The following ALDH1L1 variants were observed in gnomAD, a reference collection of about 807,000 sequenced individuals.
ALDH1L1 encodes the protein aldehyde dehydrogenase 1 family member L1.
Under a neutral mutation model 101.1 loss-of-function variants are expected in ALDH1L1, and 68 were observed. That is an observed-to-expected ratio of 0.67 (90% confidence interval 0.55 to 0.82). ALDH1L1 has a LOEUF of 0.82. Ranked by LOEUF, ALDH1L1 falls within the 40% of genes least tolerant of loss-of-function variation. The pLI is 0.00. For synonymous variants in ALDH1L1, 486 were observed against 470.8 expected (o/e 1.03, Z -0.42); for missense variants, 1,087 against 1,172.7 (o/e 0.93, Z 1.07).
intron 10 of ALDH1L1, 129 bp from the exon 11 acceptor site, chr3:126,137,012 C>G: frequency 7.5e-7 from 1 of 1,340,132 alleles, no homozygotes; most frequent in East Asian, 2.5e-5. Flanking sequence ...ATGTAGGCAA[C>G]AGCTGAGCAG....
In ALDH1L1 at chr3:126,167,442, C is replaced by T. The variant is rs373690897; in HGVS notation, c.-23-6440G>A. On this transcript the variant is annotated intron_variant, in intron 1 of 22. Coordinates refer to ENST00000393434, the MANE Select transcript of ALDH1L1 (RefSeq NM_012190.4). ...GTCTTCATTGTACAAACATATTCAT[C>T]GCTTTAACAAGATAATAAGGGAACA... is the stretch of plus-strand genomic sequence containing the variant. Among the ~76,000 whole-genome samples the T allele has an allele frequency of 2.8e-3, 431 of 152,174 alleles. 2 individuals carry two copies. The highest frequency in any genetic ancestry group is 9.9e-3 in the African/African-American group (413 of 41,536).
chr3:126,159,318 C>T (rs867171677), intron 2 of ALDH1L1: 11 of 412,324 alleles, frequency 2.7e-5, no homozygotes, highest in Non-Finnish European at 4.8e-5. Flanking sequence ...CCTCACAGGT[C>T]TGGATTACAG....
At chr3:126,105,615 T>C (rs745536178) in intron 22 of ALDH1L1, 111 bp downstream of exon 22, 4 of 1,241,146 alleles carry the variant, frequency 3.2e-6, no homozygotes, top group South Asian at 1.2e-5. Flanking sequence ...ACAGCCATCA[T>C]GTTCAAGGCT....
chr3:126,108,085 A>G (rs944990839), intron 20 of ALDH1L1: 1 of 152,266 alleles, frequency 6.6e-6, no homozygotes, highest in Non-Finnish European at 1.5e-5. Context: ...TGATGTTTTA[A>G]CACTGATTAC....
At chr3:126,158,376 T>C in intron 3 of ALDH1L1, 29 bp downstream of exon 3, 1 of 1,520,336 alleles carries the variant, frequency 6.6e-7, no homozygotes, top group Non-Finnish European at 8.9e-7. Flanking sequence ...TGTATGGGGA[T>C]GGCCCCCTGT....
intron 14 of ALDH1L1, chr3:126,128,416 T>C (rs1559931958): frequency 6.6e-6 from 1 of 152,132 alleles, no homozygotes; most frequent in African/African-American, 2.4e-5. Flanking sequence ...TTATTACCAT[T>C]TGACAGTTGG....
chr3:126,193,314 T>C (rs2081564204), intron 1 of ALDH1L1, among the ~76,000 whole-genome samples: 1 of 152,248 alleles, frequency 6.6e-6, no homozygotes, highest in African/African-American at 2.4e-5. Context: ...CTAGGATCTG[T>C]GTCCTTCCTT....
At chr3:126,159,940 C>T (rs1175679321) in intron 2 of ALDH1L1, among the ~76,000 whole-genome samples, 1 of 152,160 alleles carries the variant, frequency 6.6e-6, no homozygotes, top group Non-Finnish European at 1.5e-5. Flanking sequence ...GCCAGGCCTA[C>T]AAGCCCCCTT....
chr3:126,124,116 C>G (rs1302699379), intron 16 of ALDH1L1, among the ~76,000 whole-genome samples: 2 of 25,842 alleles, frequency 7.7e-5, no homozygotes, highest in East Asian at 1.8e-3. Flanking sequence ...CGCGGACACA[C>G]ACACACACAC....
intron 4 of ALDH1L1, 186 bp from the exon 5 acceptor site, chr3:126,155,689 C>T (rs112929820): frequency 6.7e-5 from 35 of 525,258 alleles, no homozygotes; most frequent in Middle Eastern, 4.9e-4. Flanking sequence ...TATTGCACAA[C>T]GGACACAGAC....
intron 1 of ALDH1L1, among the ~76,000 whole-genome samples, chr3:126,178,380 CAAAAAAAAAAAAAAAG>C (rs1397149719): frequency 1.2e-4 from 9 of 73,498 alleles, no homozygotes; most frequent in African/African-American, 2.8e-4. Flanking sequence ...GACCCTGTCT[CAAAAAAAAAAAAAAAG>C]AAAAAAAAAA....
chr3:126,115,095 C>T (rs766765545), intron 17 of ALDH1L1: 5 of 457,186 alleles, frequency 1.1e-5, no homozygotes, highest in East Asian at 6.9e-5. Context: ...ATTACAGCCC[C>T]GGTGCCAAGC....
intron 9 of ALDH1L1, among the ~76,000 whole-genome samples, chr3:126,140,334 T>C (rs1431466817): frequency 6.6e-6 from 1 of 152,076 alleles, no homozygotes; most frequent in Non-Finnish European, 1.5e-5. Flanking sequence ...GAAACAGAAA[T>C]TAAGATATTT....
At chr3:126,190,615 A>G (rs1386400389) in intron 1 of ALDH1L1, among the ~76,000 whole-genome samples, 2 of 152,248 alleles carry the variant, frequency 1.3e-5, no homozygotes, top group African/African-American at 4.8e-5. Context: ...GAAATTACAC[A>G]TCCTAACAAT....
chr3:126,115,118 C>T (rs140366401), intron 17 of ALDH1L1: 203 of 457,182 alleles, frequency 4.4e-4, no homozygotes, highest in African/African-American at 3.5e-3. Flanking sequence ...AGTGCCTGCA[C>T]GCAGCTGGTG....
intron 9 of ALDH1L1, among the ~76,000 whole-genome samples, chr3:126,138,978 C>A (rs1416973961): frequency 6.6e-6 from 1 of 152,202 alleles, no homozygotes; most frequent in Non-Finnish European, 1.5e-5. Context: ...TGATTTTCAG[C>A]CTCTCATAAG....
At chr3:126,164,528 C>A (rs2081125909) in intron 1 of ALDH1L1, among the ~76,000 whole-genome samples, 1 of 152,170 alleles carries the variant, frequency 6.6e-6, no homozygotes, top group Non-Finnish European at 1.5e-5. Flanking sequence ...TCTAGTCCAC[C>A]CATGTTGCTG....
chr3:126,168,140 G>A (rs2081204023), intron 1 of ALDH1L1, among the ~76,000 whole-genome samples: 1 of 152,052 alleles, frequency 6.6e-6, no homozygotes, highest in Non-Finnish European at 1.5e-5. Flanking sequence ...GAAAGGTTTA[G>A]GCAAATTGTA....
intron 1 of ALDH1L1, among the ~76,000 whole-genome samples, chr3:126,194,684 C>T (rs759921615): frequency 1.8e-4 from 27 of 152,008 alleles, no homozygotes; most frequent in African/African-American, 5.3e-4. Context: ...AGAAAACTTC[C>T]GCAACTTGTT....
Sources: allele counts gnomAD v4.1 joint callset (sites outside exome capture counted in the v4.1 genomes callset), GRCh38; gene constraint gnomAD v4.1.1; transcripts MANE v1.5; gene names NCBI Gene and HGNC (gene_info 2026-07-23, HGNC 2026-07-21).